BIRC6: variants seen among roughly 807,000 people sequenced by gnomAD.
BIRC6 encodes the protein baculoviral IAP repeat containing 6.
Under a neutral mutation model 503.3 loss-of-function variants are expected in BIRC6, and 98 were observed. The observed-to-expected ratio is 0.19, with a 90% CI of 0.17 to 0.23. The LOEUF (loss-of-function observed/expected upper bound fraction) is 0.23. BIRC6 is among the 10% of genes least tolerant of loss of function. The probability of loss-of-function intolerance (pLI) is 1.00; values close to 1 mark genes in which losing one functional copy is unlikely to be tolerated. For missense variants in BIRC6, 5,360 were observed against 5,806.0 expected, an observed-to-expected ratio of 0.92 and a Z score of 2.50; for synonymous variants, 2,240 against 2,078.7, an observed-to-expected ratio of 1.08 and a Z score of -2.11.
intron 65 of BIRC6, among the ~76,000 whole-genome samples, chr2:32,562,891 C>T (rs2059292980): frequency 6.6e-6 from 1 of 152,154 alleles, no homozygotes; most frequent in South Asian, 2.1e-4. Flanking sequence ...AATAGATCTG[C>T]TATAAACATT....
chr2:32,518,300 C>A lies in BIRC6; in HGVS notation c.11396C>A (p.Pro3799Gln), dbSNP rs2055280345. The A allele has an allele frequency of 1.2e-6, 2 of 1,612,774 alleles. No individual in the cohort carries two copies. The highest frequency in any genetic ancestry group is 8.5e-7 in the Non-Finnish European group (1 of 1,179,516). Residue 3799 changes from proline to glutamine, a missense_variant, in exon 56 of 74, where the codon CCA becomes CAA. This residue lies in a region of BIRC6 where 878 missense variants were observed against 928.9 expected (regional missense o/e 0.95). Transcript: ENST00000421745. The part of the protein sequence containing the change: ...FQTSPQRGNL[P>Q]TSGNISGFIR... The stretch of plus-strand genomic sequence containing the variant: ...ACATCTCCTCAAAGAGGGAACCTTC[C>A]AACATCTGGGAACATTTCAGGGTTT...
intron 65 of BIRC6, among the ~76,000 whole-genome samples, chr2:32,569,395 G>T (rs1267496317): frequency 1.3e-5 from 2 of 152,060 alleles, no homozygotes; most frequent in Non-Finnish European, 1.5e-5. Context: ...ATTTGACAGG[G>T]TCTTGCTCCG....
intron 66 of BIRC6, among the ~76,000 whole-genome samples, chr2:32,588,817 ATAT>A (rs751201766): frequency 2.0e-5 from 3 of 152,202 alleles, no homozygotes; most frequent in Non-Finnish European, 2.9e-5. Flanking sequence ...TTGAATTTAA[ATAT>A]TATTATCTAT....
In BIRC6 at chr2:32,491,466, C is replaced by T. The variant is rs376451623; in HGVS notation, c.8248C>T (p.His2750Tyr). ...CATTGGAACTCAGGAGAGTACTGCTCATTTGTTGGTTTCAGATCCAAACCT... is the reference window on the plus strand; with the variant it reads ...CATTGGAACTCAGGAGAGTACTGCTTATTTGTTGGTTTCAGATCCAAACCT... Reference protein sequence around the residue: ...SAIGTQESTAHLLVSDPNLIH... With the variant: ...SAIGTQESTAYLLVSDPNLIH... Residue 2750 changes from histidine (H) to tyrosine (Y), a missense_variant, in exon 44 of 74, where the codon CAT (histidine) becomes TAT (tyrosine). Physicochemically the swap from His to Tyr is moderately conservative, Grantham distance 83 (BLOSUM62 2). Coordinates refer to ENST00000421745, the MANE Select transcript of BIRC6 (RefSeq NM_016252.4). The T allele has an allele frequency of 3.4e-5, 55 of 1,613,580 alleles. No homozygotes were observed. Among genetic ancestry groups the T allele is most frequent in the Non-Finnish European group, 4.6e-5 (54 of 1,179,686 alleles).
chr2:32,609,285 C>CTGTGTGTGTGTGTG (rs58379253), intron 72 of BIRC6, among the ~76,000 whole-genome samples: 4,021 of 147,592 alleles, frequency 0.027, 64 homozygotes, highest in Non-Finnish European at 0.036. Context: ...AAGTGTGGCT[C>CTGTGTGTGTGTGTG]TGTGTGTGTG....
chr2:32,509,987 T>C lies in BIRC6; in HGVS notation c.10230T>C (p.Asp3410=). 1 of 1,613,260 alleles carries C rather than the reference T, an allele frequency of 6.2e-7. No individual in the cohort carries two copies. The highest frequency in any genetic ancestry group is 8.5e-7 in the Non-Finnish European group (1 of 1,179,690). The change falls in exon 52 of 74, where the codon GAT becomes GAC. Residue 3410 remains aspartate, a synonymous_variant. Transcript: ENST00000421745. ...LLRNCAASGS[D]PTDLNSPLLF... ...GAAATTGTGCAGCATCAGGCAGTGA[T>C]CCTACAGGTGATAATTAACTTTGAT... is the stretch of plus-strand genomic sequence containing the variant.
At chr2:32,390,019 C>T (rs993366285) in intron 4 of BIRC6, among the ~76,000 whole-genome samples, 5 of 152,022 alleles carry the variant, frequency 3.3e-5, no homozygotes, top group Admixed American at 6.6e-5. Flanking sequence ...GCCACCATAC[C>T]GGGGCTAATT....
intron 65 of BIRC6, among the ~76,000 whole-genome samples, chr2:32,573,115 G>A (rs1055944232): frequency 2.1e-4 from 32 of 152,170 alleles, no homozygotes; most frequent in Admixed American, 1.8e-3. Flanking sequence ...CGCCTAGAAT[G>A]TTAGATACTT....
At chr2:32,436,999 G>A (rs940311553) in intron 15 of BIRC6, among the ~76,000 whole-genome samples, 2 of 147,246 alleles carry the variant, frequency 1.4e-5, no homozygotes, top group African/African-American at 2.5e-5. Context: ...AGCAGTTCTC[G>A]TGCCTTAGCC....
At chr2:32,424,371 C>A (rs1242024801) in intron 10 of BIRC6, among the ~76,000 whole-genome samples, 1 of 152,068 alleles carries the variant, frequency 6.6e-6, no homozygotes, top group Non-Finnish European at 1.5e-5. Flanking sequence ...TGTAACTCAG[C>A]ATTTGGGTTG....
intron 10 of BIRC6, among the ~76,000 whole-genome samples, chr2:32,424,319 C>T (rs1159676429): frequency 3.9e-5 from 6 of 152,044 alleles, no homozygotes; most frequent in East Asian, 1.9e-4. Context: ...TCAGTCATCA[C>T]TGCGAGGTCT....
intron 65 of BIRC6, among the ~76,000 whole-genome samples, chr2:32,561,397 G>A (rs1233311670): frequency 6.6e-6 from 1 of 151,612 alleles, no homozygotes; most frequent in Non-Finnish European, 1.5e-5. Flanking sequence ...GTGTCAGCAC[G>A]CCTGGTTAAT....
chr2:32,577,743 C>T (rs1431789664), intron 66 of BIRC6, among the ~76,000 whole-genome samples: 2 of 152,158 alleles, frequency 1.3e-5, no homozygotes, highest in African/African-American at 4.8e-5. Flanking sequence ...TATAAAAATA[C>T]ACCAGTTAAT....
chr2:32,496,707 T>G (rs1286315159), intron 45 of BIRC6, among the ~76,000 whole-genome samples: 1 of 152,206 alleles, frequency 6.6e-6, no homozygotes, highest in Non-Finnish European at 1.5e-5. Context: ...CTTATAAATT[T>G]TACAATCAGC....
chr2:32,568,149 A>G (rs564911365), intron 65 of BIRC6, among the ~76,000 whole-genome samples: 3 of 151,648 alleles, frequency 2.0e-5, no homozygotes, highest in Non-Finnish European at 4.4e-5. Flanking sequence ...GGAGAGAAAT[A>G]GTCAAAAGAA....
At chr2:32,460,155 T>A (rs2047671130) in intron 23 of BIRC6, among the ~76,000 whole-genome samples, 1 of 143,914 alleles carries the variant, frequency 6.9e-6, no homozygotes, top group East Asian at 2.0e-4. Context: ...ATATTATATA[T>A]ATGATATATC....
chr2:32,419,238 G>A (rs1192111592), intron 10 of BIRC6, among the ~76,000 whole-genome samples: 1 of 152,120 alleles, frequency 6.6e-6, no homozygotes, highest in East Asian at 1.9e-4. Context: ...TGAATCAAAT[G>A]GATGTGACCC....
At chr2:32,398,244 G>A (rs145102245) in intron 6 of BIRC6, among the ~76,000 whole-genome samples, 257 of 152,268 alleles carry the variant, frequency 1.7e-3, no homozygotes, top group Non-Finnish European at 2.3e-3. Flanking sequence ...TAGGCACAGA[G>A]GCATAAAGTG....
intron 65 of BIRC6, chr2:32,565,570 C>G (rs1166019870): frequency 1.3e-5 from 2 of 152,116 alleles, no homozygotes; most frequent in Non-Finnish European, 2.9e-5. Flanking sequence ...ACAGATAGTA[C>G]TAACCAGTGC....
Sources: gnomAD v4.1 joint callset for allele counts (sites outside exome capture counted in the v4.1 genomes callset) on GRCh38, gnomAD v4.1.1 for gene constraint, gnomAD v4.1.1 regional missense constraint, MANE v1.5 for transcripts, NCBI Gene and HGNC (gene_info 2026-07-23, HGNC 2026-07-21) for gene names.